The following NOL11 variants were observed in gnomAD, a reference collection of about 807,000 sequenced individuals.
NOL11 encodes the protein nucleolar protein 11.
A neutral mutation model predicts 93.0 loss-of-function variants in NOL11; 42 were observed. That is an observed-to-expected ratio of 0.45 (90% CI 0.35 to 0.58). The LOEUF is 0.58. NOL11 is among the 20% of genes least tolerant of loss of function. The pLI is 0.00. For missense variants in NOL11, 775 were observed against 841.8 expected (o/e 0.92, Z 0.98); for synonymous variants, 296 against 293.7 (o/e 1.01, Z -0.08).
intron 1 of NOL11, among the ~76,000 whole-genome samples, chr17:67,718,756 A>G (rs1310594829): frequency 6.6e-6 from 1 of 152,180 alleles, no homozygotes; most frequent in Non-Finnish European, 1.5e-5. Flanking sequence ...GCTGCTGAAC[A>G]TAGTTTTCCA....
rs1159503610 is a variant in NOL11 at position 67,718,512 on chromosome 17, C to G, written c.141+424C>G. Reference sequence around the variant, plus strand: ...AGCCGTGTCTACACTTCACACCCCTCTCTTTGTAGGGGCGGGGACAATTTT... The same window carrying G: ...AGCCGTGTCTACACTTCACACCCCTGTCTTTGTAGGGGCGGGGACAATTTT... On this transcript the variant is annotated intron_variant, in intron 1 of 17. Coordinates refer to ENST00000253247, the MANE Select transcript of NOL11 (RefSeq NM_015462.5). 2.6e-5 allele frequency among the ~76,000 whole-genome samples: 4 copies of G among 152,138 alleles called. No homozygotes were observed. The East Asian group carries it at 7.7e-4, about 29-fold the overall frequency.
In NOL11 at chr17:67,738,124, T is replaced by C; in HGVS notation, c.1532T>C (p.Ile511Thr). The change falls in exon 14 of 18, where the codon ATT (isoleucine) becomes ACT (threonine). Residue 511 changes from isoleucine to threonine, a missense_variant and splice_region_variant. Coordinates refer to ENST00000253247, the MANE Select transcript of NOL11 (RefSeq NM_015462.5). ...TCACLKIFLS[I>T]GDDSLQETDV... ...CTTGCTTTCAACTACCATCATAGCA[T>C]TGGTGATGACAGTCTTCAAGAAACA... 3 of 1,601,826 alleles carry C rather than the reference T, an allele frequency of 1.9e-6. No homozygotes were observed. The highest frequency in any genetic ancestry group is 2.6e-6 in the Non-Finnish European group (3 of 1,170,204).
intron 14 of NOL11, 61 bp downstream of exon 14, chr17:67,738,416 CAGTAACCAAGG>C (rs2055224291): frequency 4.7e-6 from 5 of 1,053,242 alleles, no homozygotes; most frequent in African/African-American, 1.6e-5. Flanking sequence ...ATATGCCAAG[CAGTAACCAAGG>C]AGTAACTCAA....
chr17:67,731,672 C>T (rs535909587), intron 7 of NOL11, among the ~76,000 whole-genome samples: 2 of 152,178 alleles, frequency 1.3e-5, no homozygotes, highest in Admixed American at 6.5e-5. Context: ...TTAGCTCTTA[C>T]ATTTAGGTTG....
intron 7 of NOL11, among the ~76,000 whole-genome samples, chr17:67,732,546 T>A (rs1364236112): frequency 6.6e-6 from 1 of 151,694 alleles, no homozygotes; most frequent in Non-Finnish European, 1.5e-5. Context: ...GATGCTAATA[T>A]ACATGGAATT....
At chr17:67,727,834 G>A (rs1423375735) in intron 7 of NOL11, among the ~76,000 whole-genome samples, 4 of 146,828 alleles carry the variant, frequency 2.7e-5, no homozygotes, top group African/African-American at 1.0e-4. Context: ...GGGCTTTTTG[G>A]CGCACAAACC....
chr17:67,729,943 A>C (rs1400626725), intron 7 of NOL11, among the ~76,000 whole-genome samples: 1 of 151,032 alleles, frequency 6.6e-6, no homozygotes, highest in East Asian at 2.0e-4. Flanking sequence ...TTGTTTTTAT[A>C]TTTAGTTTTT....
At chr17:67,732,071 C>T (rs1378492293) in intron 7 of NOL11, among the ~76,000 whole-genome samples, 1 of 152,186 alleles carries the variant, frequency 6.6e-6, no homozygotes, top group African/African-American at 2.4e-5. Context: ...GTATTGCCAT[C>T]TTAATATTAA....
At chr17:67,723,290 GC>G (rs1395972648) in intron 5 of NOL11, among the ~76,000 whole-genome samples, 1 of 151,362 alleles carries the variant, frequency 6.6e-6, no homozygotes, top group African/African-American at 2.4e-5. Flanking sequence ...GGGATTACAG[GC>G]GTGAGCCACT....
chr17:67,737,588 T>G lies in NOL11; in HGVS notation c.1299T>G (p.Ile433Met), dbSNP rs763448323. Reference sequence around the variant, plus strand: ...AGACACCTGACTTTCATACTGTCATTGGGGACACAGTAACAGGACTTCTGG... The same window carrying G: ...AGACACCTGACTTTCATACTGTCATGGGGGACACAGTAACAGGACTTCTGG... Reference protein sequence around the residue: ...LKQTPDFHTVIGDTVTGLLER... With the variant: ...LKQTPDFHTVMGDTVTGLLER... The change falls in exon 12 of 18, where the codon ATT becomes ATG. Residue 433 changes from isoleucine (I) to methionine (M), a missense_variant. Around this residue, in one of 2 missense-constraint regions of NOL11, gnomAD observed 416 missense variants for 525.2 expected, o/e 0.79. Coordinates refer to ENST00000253247, the MANE Select transcript of NOL11 (RefSeq NM_015462.5). The G allele has an allele frequency of 1.6e-5, 26 of 1,614,112 alleles. 1 individual carries two copies. The South Asian group carries it at 2.2e-4, about 14-fold the overall frequency.
At chr17:67,733,010 T>C (rs2055168483) in intron 7 of NOL11, among the ~76,000 whole-genome samples, 1 of 152,182 alleles carries the variant, frequency 6.6e-6, no homozygotes, top group Non-Finnish European at 1.5e-5. Context: ...TGTGGATTCT[T>C]CGAGATCTCT....
chr17:67,735,817 A>T, intron 8 of NOL11, 83 bp from the exon 9 acceptor site: 1 of 1,111,706 alleles, frequency 9.0e-7, no homozygotes. Context: ...CTGAGCACTT[A>T]TACAGTGAGT....
chr17:67,731,598 C>T (rs9905088), intron 7 of NOL11, among the ~76,000 whole-genome samples: 130,835 of 152,174 alleles, frequency 0.86, 56,348 homozygotes, highest in East Asian at 0.96. Flanking sequence ...CATCCAAGAA[C>T]CCATGGCCAA....
Position 67,721,393 on chromosome 17 carries a change from T to C in NOL11, c.328T>C (p.Tyr110His). ...VFKATLSAEV[Y>H]RILSVQGTEP... The stretch of plus-strand genomic sequence containing the variant: ...GTTCTTCCAGTTGTCAGCAGAAGTA[T>C]ATAGGATACTTTCAGTGCAAGGGAC... The change falls in exon 4 of 18, where the codon TAT (tyrosine) becomes CAT (histidine). Residue 110 changes from tyrosine (Y) to histidine (H), a missense_variant. Physicochemically the swap from Tyr to His is moderately conservative, Grantham distance 83. This residue lies in a region of NOL11 where 359 missense variants were observed against 316.5 expected (regional missense o/e 1.13). Coordinates refer to ENST00000253247, the MANE Select transcript of NOL11 (RefSeq NM_015462.5). 3 of 1,597,906 alleles carry C rather than the reference T, an allele frequency of 1.9e-6. No homozygotes were observed. The highest frequency in any genetic ancestry group is 2.6e-6 in the Non-Finnish European group (3 of 1,175,136).
intron 1 of NOL11, chr17:67,719,036 TG>T (rs1308214416): frequency 2.6e-5 from 4 of 152,218 alleles, no homozygotes; most frequent in Admixed American, 1.3e-4. Context: ...AATGTACTAT[TG>T]TTTTTTTAAC....
chr17:67,733,563 T>C (rs1360925762), intron 7 of NOL11, among the ~76,000 whole-genome samples: 1 of 152,186 alleles, frequency 6.6e-6, no homozygotes, highest in Non-Finnish European at 1.5e-5. Flanking sequence ...TTTGTCTTTT[T>C]CCTTATCTTA....
rs764663645 is a variant in NOL11 at position 67,737,055 on chromosome 17, A to G, written c.1144-16A>G. 3.3e-6 allele frequency: 5 copies of G among 1,533,006 alleles called. No individual in the cohort carries two copies. Among genetic ancestry groups the G allele is most frequent in the East Asian group, 2.3e-5 (1 of 44,440 alleles). The allele number at this position is 1,533,006 out of a possible 1,614,324, so 95.0% of individuals were successfully genotyped here. A position where few individuals can be genotyped will look rare whatever the true frequency, so the allele number is the denominator to read the frequency against. On this transcript the variant is annotated splice_polypyrimidine_tract_variant and intron_variant, in intron 10 of 17. Transcript: ENST00000253247. ...TTATATTGTTTTGTGATCCTAATCA[A>G]TTTACTTAATTCCAGTTAAGGAGAC...
chr17:67,737,891 T>TA lies in NOL11; in HGVS notation c.1449dup (p.Gln484ThrfsTer12). 6.2e-7 allele frequency: 1 copy of TA among 1,613,536 alleles called. No homozygotes were observed. The highest frequency in any genetic ancestry group is 8.5e-7 in the Non-Finnish European group (1 of 1,179,814). On this transcript the variant is annotated frameshift_variant, in exon 13 of 18. Coordinates refer to ENST00000253247, the MANE Select transcript of NOL11 (RefSeq NM_015462.5). LOFTEE classifies it high-confidence loss of function. ...GAGATTGCCTTAAAAAAGAAAGATG[T>TA]ACAGTTGTTACAACTCTGTCTACAG...
At chr17:67,724,518 G>A (rs191285672) in intron 6 of NOL11, among the ~76,000 whole-genome samples, 36 of 152,094 alleles carry the variant, frequency 2.4e-4, no homozygotes, top group African/African-American at 8.4e-4. Flanking sequence ...ATTTTTAGTA[G>A]AGACGGTTTC....
Sources: allele counts gnomAD v4.1 joint callset (sites outside exome capture counted in the v4.1 genomes callset), GRCh38; gene constraint gnomAD v4.1.1; regional missense constraint gnomAD v4.1.1; transcripts MANE v1.5; gene names NCBI Gene and HGNC (gene_info 2026-07-23, HGNC 2026-07-21).